Variants in MMP26 observed in about 807,000 individuals in gnomAD.
MMP26 encodes the protein matrix metallopeptidase 26.
Under a neutral mutation model 31.0 loss-of-function variants are expected in MMP26, and 33 were observed. The ratio of observed to expected loss-of-function variants is 1.06; its 90% CI spans 0.81 to 1.42. MMP26 has a LOEUF of 1.42. MMP26 is among the 40% of genes most tolerant of loss of function. The pLI is 0.00. For missense variants in MMP26, 347 were observed against 316.1 expected, an observed-to-expected ratio of 1.10 and a Z score of -0.74; for synonymous variants, 122 against 114.9, an observed-to-expected ratio of 1.06 and a Z score of -0.40.
intron 1 of MMP26, among the ~76,000 whole-genome samples, chr11:4,735,029 G>A (rs1187101655): frequency 6.6e-6 from 1 of 152,172 alleles, no homozygotes; most frequent in African/African-American, 2.4e-5. Flanking sequence ...GCAATATGGA[G>A]CCGGGGTGAG....
chr11:4,800,429 G>A (rs1475078586), intron 2 of MMP26, among the ~76,000 whole-genome samples: 1 of 152,176 alleles, frequency 6.6e-6, no homozygotes, highest in Non-Finnish European at 1.5e-5. Context: ...GCAGGGAGCA[G>A]TGTCCCAAGG....
rs201950100 is a variant in MMP26 at position 4,709,767 on chromosome 11, A to G, written c.-217+4722A>G. 7.1e-4 allele frequency: 326 copies of G among 459,404 alleles called. 6 individuals carry two copies. The highest frequency in any genetic ancestry group is 5.0e-3 in the South Asian group (322 of 64,646). The allele number at this position is 459,404 out of a possible 1,614,324, so 28.5% of individuals were successfully genotyped here. ...TGAACCCATGTATCATTTTCTCTCCATGCTATCCTTCATGGACCTAGGTCT... is the reference window on the plus strand; with the variant it reads ...TGAACCCATGTATCATTTTCTCTCCGTGCTATCCTTCATGGACCTAGGTCT... On this transcript the variant is annotated intron_variant, in intron 1 of 7. Coordinates refer to ENST00000380390, the MANE Select transcript of MMP26 (RefSeq NM_021801.5).
intron 3 of MMP26, 42 bp downstream of exon 3, chr11:4,988,352 T>C (rs199875969): frequency 2.0e-6 from 3 of 1,477,978 alleles, no homozygotes; most frequent in East Asian, 4.5e-5. Context: ...ATGGTGACCA[T>C]TGTGGGCTCT....
chr11:4,891,898 G>A (rs186300324), intron 2 of MMP26, among the ~76,000 whole-genome samples: 1 of 152,100 alleles, frequency 6.6e-6, no homozygotes, highest in Admixed American at 6.6e-5. Flanking sequence ...TTTCTCCCTG[G>A]AATTATAAGG....
chr11:4,942,252 T>A (rs574148252), intron 2 of MMP26, among the ~76,000 whole-genome samples: 1 of 152,116 alleles, frequency 6.6e-6, no homozygotes, highest in African/African-American at 2.4e-5. Context: ...AAGTTTTAAT[T>A]TTCTTTTTCA....
At chr11:4,940,250 T>G (rs1846188473) in intron 2 of MMP26, among the ~76,000 whole-genome samples, 1 of 152,228 alleles carries the variant, frequency 6.6e-6, no homozygotes, top group East Asian at 1.9e-4. Flanking sequence ...ATATACATCC[T>G]TCTCACACGT....
intron 2 of MMP26, chr11:4,943,815 T>G (rs1350254195): frequency 4.6e-6 from 2 of 437,946 alleles, no homozygotes; most frequent in Non-Finnish European, 4.5e-6. Context: ...CCATTGAGAT[T>G]TATGTATCTT....
At chr11:4,885,003 G>C (rs1850529369) in intron 2 of MMP26, among the ~76,000 whole-genome samples, 1 of 152,122 alleles carries the variant, frequency 6.6e-6, no homozygotes, top group Admixed American at 6.6e-5. Context: ...ATTTCTTCCA[G>C]TTTTATGGCA....
At chr11:4,980,656 A>G (rs569406006) in intron 2 of MMP26, among the ~76,000 whole-genome samples, 1 of 152,254 alleles carries the variant, frequency 6.6e-6, no homozygotes, top group South Asian at 2.1e-4. Context: ...TCCCATAGTC[A>G]TAGAATTATA....
rs544127721 is a variant in MMP26 at position 4,936,138 on chromosome 11, T to C, written c.-144-51930T>C. ...CTTCTTTTTCTATTGATTGGAATAG[T>C]TTCAGAAGGAATGGTACCAGTTCCT... is the stretch of plus-strand genomic sequence containing the variant. On this transcript the variant is annotated intron_variant, in intron 2 of 7. Transcript: ENST00000380390. Among the ~76,000 whole-genome samples, 357 of 148,792 alleles carry C rather than the reference T, an allele frequency of 2.4e-3. 1 individual carries two copies. The highest frequency in any genetic ancestry group is 3.8e-3 in the Non-Finnish European group (258 of 67,402).
At chr11:4,745,684 A>G (rs1848370556) in intron 1 of MMP26, among the ~76,000 whole-genome samples, 1 of 152,160 alleles carries the variant, frequency 6.6e-6, no homozygotes, top group Non-Finnish European at 1.5e-5. Flanking sequence ...ATGCATGTGT[A>G]ATGATACATA....
chr11:4,705,187 C>T (rs1414942449), intron 1 of MMP26, 142 bp downstream of exon 1: 1 of 152,108 alleles, frequency 6.6e-6, no homozygotes, highest in African/African-American at 2.4e-5. Context: ...GTTATGTCAA[C>T]TCAAAAATAT....
intron 1 of MMP26, among the ~76,000 whole-genome samples, chr11:4,762,459 A>G (rs1480467727): frequency 2.0e-5 from 3 of 152,160 alleles, no homozygotes; most frequent in African/African-American, 4.8e-5. Context: ...GAAATTCCAT[A>G]TCATCTTTGC....
chr11:4,846,171 A>T (rs969376039), intron 2 of MMP26, among the ~76,000 whole-genome samples: 7 of 152,314 alleles, frequency 4.6e-5, no homozygotes, highest in Admixed American at 6.5e-5. Context: ...TCAACAGACA[A>T]ATAGATAAAG....
At chr11:4,762,534 C>G (rs1848580587) in intron 1 of MMP26, among the ~76,000 whole-genome samples, 1 of 152,120 alleles carries the variant, frequency 6.6e-6, no homozygotes, top group African/African-American at 2.4e-5. Context: ...AAAGTACTGA[C>G]AGCCTATAGA....
Position 4,991,375 on chromosome 11 carries a change from T to C in MMP26, c.474T>C (p.His158=). The C allele has an allele frequency of 8.7e-6, 14 of 1,613,012 alleles. No homozygotes were observed. Among genetic ancestry groups the C allele is most frequent in the Non-Finnish European group, 1.1e-5 (13 of 1,179,224 alleles). Residue 158 remains histidine, a synonymous_variant, in exon 6 of 8, where the codon CAT becomes CAC. Coordinates refer to ENST00000380390, the MANE Select transcript of MMP26 (RefSeq NM_021801.5). ...DIKVSFWQWA[H]EDGWPFDGPG... is the part of the protein sequence containing the mutation. ...CATAGCTTCTGTCGTCCACAGCCCA[T>C]GAAGATGGTTGGCCCTTTGATGGGC...
chr11:4,709,096 T>C (rs185304427), intron 1 of MMP26, among the ~76,000 whole-genome samples: 1 of 152,304 alleles, frequency 6.6e-6, no homozygotes. Flanking sequence ...CTTACTTTCA[T>C]TGGGTCACAT....
At chr11:4,871,158 A>G (rs1340068914) in intron 2 of MMP26, among the ~76,000 whole-genome samples, 1 of 152,124 alleles carries the variant, frequency 6.6e-6, no homozygotes, top group African/African-American at 2.4e-5. Context: ...AAGAGGACAC[A>G]TTTTTGCTAA....
intron 1 of MMP26, among the ~76,000 whole-genome samples, chr11:4,750,773 TAGG>T (rs1232872424): frequency 6.6e-6 from 1 of 151,464 alleles, no homozygotes; most frequent in African/African-American, 2.4e-5. Flanking sequence ...CTGGGAAGGG[TAGG>T]AGGGTGGAAG....
Sources: gnomAD v4.1 joint callset for allele counts (sites outside exome capture counted in the v4.1 genomes callset) on GRCh38, gnomAD v4.1.1 for gene constraint, MANE v1.5 for transcripts, NCBI Gene and HGNC (gene_info 2026-07-23, HGNC 2026-07-21) for gene names.